The following CACNA2D2 variants were observed in gnomAD, a reference collection of about 807,000 sequenced individuals.
The protein encoded by CACNA2D2 is voltage-dependent calcium channel subunit alpha-2/delta-2.
CACNA2D2 carries 48 observed loss-of-function variants against 166.4 expected under a neutral mutation model. The ratio of observed to expected loss-of-function variants is 0.29; its 90% CI spans 0.23 to 0.37. The LOEUF is 0.37. CACNA2D2 is among the 10% of genes least tolerant of loss of function. The pLI is 1.00. For missense variants in CACNA2D2, 1,122 were observed against 1,433.0 expected, an observed-to-expected ratio of 0.78 and a Z score of 3.50; for synonymous variants, 561 against 573.7, an observed-to-expected ratio of 0.98 and a Z score of 0.32.
intron 2 of CACNA2D2, among the ~76,000 whole-genome samples, chr3:50,442,288 C>A (rs528448395): frequency 9.0e-4 from 137 of 152,352 alleles, no homozygotes; most frequent in Non-Finnish European, 1.7e-3. Context: ...CAGCATGAGG[C>A]ACACTCCTGT....
chr3:50,416,154 C>A (rs1327272307), intron 3 of CACNA2D2: 1 of 152,208 alleles, frequency 6.6e-6, no homozygotes, highest in Admixed American at 6.5e-5. Context: ...AGGGCTGAGC[C>A]CATTTGGGGC....
At chr3:50,411,567 T>C (rs139984537) in intron 3 of CACNA2D2, among the ~76,000 whole-genome samples, 177 of 152,368 alleles carry the variant, frequency 1.2e-3, no homozygotes, top group African/African-American at 3.3e-3. Context: ...TTTTCACTTA[T>C]GGGTACCTGT....
At chr3:50,441,784 C>A (rs1206595278) in intron 2 of CACNA2D2, among the ~76,000 whole-genome samples, 4 of 152,264 alleles carry the variant, frequency 2.6e-5, no homozygotes, top group Admixed American at 6.5e-5. Flanking sequence ...GAGAACAGTC[C>A]TAGAAGGAAA....
chr3:50,371,346 A>ATGTGTG (rs35155126), intron 22 of CACNA2D2, among the ~76,000 whole-genome samples: 6 of 148,494 alleles, frequency 4.0e-5, no homozygotes, highest in African/African-American at 7.4e-5. Flanking sequence ...GTGAGCATGC[A>ATGTGTG]TGTGTGTGTG....
In CACNA2D2 at chr3:50,364,883, C is replaced by T; in HGVS notation, c.3291+5G>A. On this transcript the variant is annotated splice_donor_5th_base_variant and intron_variant, in intron 37 of 37. Coordinates refer to ENST00000424201, the MANE Select transcript of CACNA2D2 (RefSeq NM_006030.4). ...GATTTCGGGTCCACCGCCCCCTCTC[C>T]TCACTGTCGCGTTGTAGTCGAAGCA... 1 of 1,613,438 alleles carries T rather than the reference C, an allele frequency of 6.2e-7. No individual in the cohort carries two copies. The highest frequency in any genetic ancestry group is 8.5e-7 in the Non-Finnish European group (1 of 1,179,920).
intron 2 of CACNA2D2, among the ~76,000 whole-genome samples, chr3:50,441,449 G>A (rs1395223699): frequency 6.6e-6 from 1 of 152,200 alleles, no homozygotes; most frequent in African/African-American, 2.4e-5. Flanking sequence ...TCATAAAAAG[G>A]CTCAATCTCT....
rs377310802 is a variant in CACNA2D2 at position 50,366,202 on chromosome 3, C to T, written c.2710-39G>A. 1 of 1,613,920 alleles carries T rather than the reference C, an allele frequency of 6.2e-7. No homozygotes were observed. On this transcript the variant is annotated intron_variant, in intron 31 of 37. Transcript: ENST00000424201. This position sits in a 1 kb window ranked among gnomAD's most constrained non-coding sequence, Gnocchi z 5.9. ...GAGAAAGCCATGGTCACAGGGCTGGCAGTGCTACACCCCTAGAAGGCTCAA... is the reference window on the plus strand; with the variant it reads ...GAGAAAGCCATGGTCACAGGGCTGGTAGTGCTACACCCCTAGAAGGCTCAA...
chr3:50,365,190 G>C lies in CACNA2D2; in HGVS notation c.3099-6C>G. On this transcript the variant is annotated splice_region_variant and splice_polypyrimidine_tract_variant and intron_variant, in intron 35 of 37. Transcript: ENST00000424201. The surrounding 1 kb of genome is among the most constrained non-coding windows in gnomAD (Gnocchi z 4.5). ...GTCTCTGCGCGTGGAACAGCCTGCGGGCAGCCCGGAAAGGCGGGGCGTTGA... is the reference window on the plus strand; with the variant it reads ...GTCTCTGCGCGTGGAACAGCCTGCGCGCAGCCCGGAAAGGCGGGGCGTTGA... 1 of 1,611,704 alleles carries C rather than the reference G, an allele frequency of 6.2e-7. No homozygotes were observed. Among genetic ancestry groups the C allele is most frequent in the Non-Finnish European group, 8.5e-7 (1 of 1,179,494 alleles).
rs557931609 is a variant in CACNA2D2 at position 50,492,305 on chromosome 3, C to G, written c.206+10913G>C. Among the ~76,000 whole-genome samples the G allele has an allele frequency of 2.6e-5, 4 of 152,380 alleles. No individual in the cohort carries two copies. The South Asian group carries it at 8.3e-4, about 32-fold the overall frequency. On this transcript the variant is annotated intron_variant, in intron 1 of 37. Transcript: ENST00000424201. ...TGCCAGCACTATCTTCAGACGTCAT[C>G]TGAACCCGCAACTTGCTGTTGTCCT...
chr3:50,455,452 C>T (rs994696724), intron 2 of CACNA2D2, among the ~76,000 whole-genome samples: 3 of 152,344 alleles, frequency 2.0e-5, no homozygotes, highest in East Asian at 1.9e-4. Context: ...TCTCCCTCCA[C>T]GCTCCAGAGC....
At chr3:50,433,394 C>G (rs1708161018) in intron 3 of CACNA2D2, among the ~76,000 whole-genome samples, 1 of 151,862 alleles carries the variant, frequency 6.6e-6, no homozygotes, top group Non-Finnish European at 1.5e-5. Flanking sequence ...GGTTTTTACT[C>G]TATTGCCCAG....
rs1705030333 is a variant in CACNA2D2, at chr3:50,376,992, G to A, written c.1626+475C>T. Among the ~76,000 whole-genome samples the A allele has an allele frequency of 6.6e-6, 1 of 152,182 alleles. No homozygotes were observed. The highest frequency in any genetic ancestry group is 2.4e-5 in the African/African-American group (1 of 41,432). On this transcript the variant is annotated intron_variant, in intron 17 of 37. Coordinates refer to ENST00000424201, the MANE Select transcript of CACNA2D2 (RefSeq NM_006030.4). The surrounding 1 kb of genome is among the most constrained non-coding windows in gnomAD (Gnocchi z 4.3). ...TTCTGCCTGGGACACTCCTGCCTATGTGCATGGGCCAGGTCTGGCCTGCTG... is the reference window on the plus strand; with the variant it reads ...TTCTGCCTGGGACACTCCTGCCTATATGCATGGGCCAGGTCTGGCCTGCTG...
chr3:50,502,383 A>G (rs1033718661), intron 1 of CACNA2D2, among the ~76,000 whole-genome samples: 1 of 152,214 alleles, frequency 6.6e-6, no homozygotes, highest in Non-Finnish European at 1.5e-5. Flanking sequence ...GGCCACATGC[A>G]CTGAACATCC....
intron 1 of CACNA2D2, among the ~76,000 whole-genome samples, chr3:50,496,565 G>A (rs920329799): frequency 6.6e-6 from 1 of 152,262 alleles, no homozygotes; most frequent in African/African-American, 2.4e-5. Context: ...TGAGGGGATA[G>A]TGGCTGGCAC....
At position 50,380,040 on chromosome 3, in the gene CACNA2D2, T is replaced by C. The variant is rs1328426219; in HGVS notation, c.843-22A>G. ...ATACCTGCCCAGGAGATGCCTCTGT[T>C]AGGGTAAGGCCCACTGGGACCTTGT... On this transcript the variant is annotated intron_variant, in intron 8 of 37. Coordinates refer to ENST00000424201, the MANE Select transcript of CACNA2D2 (RefSeq NM_006030.4). This position sits in a 1 kb window ranked among gnomAD's most constrained non-coding sequence, Gnocchi z 4.9. The C allele has an allele frequency of 1.9e-6, 3 of 1,613,860 alleles. No homozygotes were observed. Among genetic ancestry groups the C allele is most frequent in the African/African-American group, 2.7e-5 (2 of 75,056 alleles).
At position 50,420,511 on chromosome 3, in the gene CACNA2D2, AG is replaced by A. The variant is rs1205039919; in HGVS notation, c.405+13801del. ...GAGTTGTGATGCTTGGTCAGGGCCA[AG>A]GCTTGGGCCACATATGACCCACTGC... On this transcript the variant is annotated intron_variant, in intron 3 of 37. Coordinates refer to ENST00000424201, the MANE Select transcript of CACNA2D2 (RefSeq NM_006030.4). Among the ~76,000 whole-genome samples the A allele has an allele frequency of 4.1e-3, 627 of 152,346 alleles. 8 individuals carry two copies. The highest frequency in any genetic ancestry group is 0.014 in the African/African-American group (573 of 41,574).
chr3:50,483,246 C>T (rs1475521236), intron 1 of CACNA2D2, among the ~76,000 whole-genome samples: 1 of 152,188 alleles, frequency 6.6e-6, no homozygotes, highest in African/African-American at 2.4e-5. Flanking sequence ...GGAGCACCGT[C>T]CCCATCTCAC....
chr3:50,374,409 A>T lies in CACNA2D2; in HGVS notation c.1984+328T>A, dbSNP rs375703641. ...GGGTGGGGAGGGGAGGGGGAAGGTA[A>T]GGGGAGGGGGTGTCTTCCAAGAATG... On this transcript the variant is annotated intron_variant, in intron 22 of 37. Coordinates refer to ENST00000424201, the MANE Select transcript of CACNA2D2 (RefSeq NM_006030.4). Among the ~76,000 whole-genome samples the T allele has an allele frequency of 8.4e-4, 37 of 43,960 alleles. No individual in the cohort carries two copies. The East Asian group carries it at 0.022, about 26-fold the overall frequency. The allele number at this position is 43,960 out of a possible 152,430, so 28.8% of individuals were successfully genotyped here.
At chr3:50,432,438 T>G (rs1332631620) in intron 3 of CACNA2D2, among the ~76,000 whole-genome samples, 1 of 152,198 alleles carries the variant, frequency 6.6e-6, no homozygotes, top group Non-Finnish European at 1.5e-5. Context: ...TGCCCACATT[T>G]GTAAACTGGA....
Sources: gnomAD v4.1 joint callset for allele counts (sites outside exome capture counted in the v4.1 genomes callset) on GRCh38, gnomAD v4.1.1 for gene constraint, Gnocchi (gnomAD v3.1) non-coding constraint, MANE v1.5 for transcripts, NCBI Gene and HGNC (gene_info 2026-07-23, HGNC 2026-07-21) for gene names.